ZFP69: variants seen among roughly 807,000 people sequenced by gnomAD.
ZFP69 encodes ZFP69 zinc finger protein.
ZFP69 carries 35 observed loss-of-function variants against 48.9 expected under a neutral mutation model. That is an observed-to-expected ratio of 0.72 (90% CI 0.55 to 0.95). ZFP69 has a LOEUF of 0.95. ZFP69 is among the 40% of genes least tolerant of loss of function. The probability of loss-of-function intolerance (pLI) is 0.00; values close to 1 mark genes in which losing one functional copy is unlikely to be tolerated. For synonymous variants in ZFP69, 193 were observed against 216.8 expected, an observed-to-expected ratio of 0.89 and a Z score of 0.96; for missense variants, 557 against 638.4, an observed-to-expected ratio of 0.87 and a Z score of 1.37.
At position 40,495,294 on chromosome 1, in the gene ZFP69, A is replaced by C. The variant is rs1194121339; in HGVS notation, c.816A>C (p.Glu272Asp). Residue 272 changes from glutamate (E) to aspartate (D), a missense_variant, in exon 6 of 6, where the codon GAA (glutamate) becomes GAC (aspartate). Coordinates refer to ENST00000372706, the MANE Select transcript of ZFP69 (RefSeq NM_001320179.2). Reference sequence around the variant, plus strand: ...GTTACATAAGAACAAAAACCTATGAATGTAATATATGTGAAAAAATCTTCA... The same window carrying C: ...GTTACATAAGAACAAAAACCTATGACTGTAATATATGTGAAAAAATCTTCA... ...PTSYIRTKTYECNICEKIFKQ... is the reference protein window; with the variant it reads ...PTSYIRTKTYDCNICEKIFKQ... 6.2e-7 allele frequency: 1 copy of C among 1,613,960 alleles called. No individual in the cohort carries two copies. The highest frequency in any genetic ancestry group is 1.3e-5 in the African/African-American group (1 of 74,940).
chr1:40,487,240 C>T (rs920593454), intron 3 of ZFP69, among the ~76,000 whole-genome samples: 2 of 152,126 alleles, frequency 1.3e-5, no homozygotes, highest in Non-Finnish European at 2.9e-5. Flanking sequence ...GATTCTTGAG[C>T]AGCGCAGGTT....
Position 40,495,934 on chromosome 1 carries a change from CAG to C in ZFP69, c.1460_1461del (p.Arg487ThrfsTer11). On this transcript the variant is annotated frameshift_variant, in exon 6 of 6. Coordinates refer to ENST00000372706, the MANE Select transcript of ZFP69 (RefSeq NM_001320179.2). LOFTEE classifies it high-confidence loss of function. ...YRHDSSFKKH[Q>X]RHHTGEKPYE... ...GCATGATTCATCCTTTAAAAAACAT[CAG>C]AGACATCACACTGGAGAAAAACCTT... is the stretch of plus-strand genomic sequence containing the variant. 2 of 1,614,174 alleles carry C rather than the reference CAG, an allele frequency of 1.2e-6. No homozygotes were observed. The highest frequency in any genetic ancestry group is 1.7e-6 in the Non-Finnish European group (2 of 1,180,048).
At position 40,477,819 on chromosome 1, in the gene ZFP69, T is replaced by A. The variant is rs2124435984; in HGVS notation, c.-402T>A. ...TCAGTCCGTCTCTAAAGAGACACTC[T>A]TTACCGCTGAAAACCTCAAGAGTGA... On this transcript the variant is annotated 5_prime_UTR_variant, in exon 1 of 6. Transcript: ENST00000372706. This position sits in a 1 kb window ranked among gnomAD's most constrained non-coding sequence, Gnocchi z 4.0. 1 of 152,456 alleles carries A rather than the reference T, an allele frequency of 6.6e-6. No individual in the cohort carries two copies. Among genetic ancestry groups the A allele is most frequent in the East Asian group, 1.9e-4 (1 of 5,166 alleles). 9.4% of individuals were successfully genotyped at this position (152,456 alleles called of 1,614,324 possible).
chr1:40,495,772 A>T lies in ZFP69; in HGVS notation c.1294A>T (p.Ile432Phe). Residue 432 changes from isoleucine (I) to phenylalanine (F), a missense_variant, in exon 6 of 6, where the codon ATC becomes TTC. Transcript: ENST00000372706. Reference sequence around the variant, plus strand: ...AGCGTATCTAACACATCACCAGAGAATCCATACTGGGGAGAGACCCTACAA... The same window carrying T: ...AGCGTATCTAACACATCACCAGAGATTCCATACTGGGGAGAGACCCTACAA... ...HRAYLTHHQRIHTGERPYKCK... is the reference protein window; with the variant it reads ...HRAYLTHHQRFHTGERPYKCK... 1 of 1,614,232 alleles carries T rather than the reference A, an allele frequency of 6.2e-7. No individual in the cohort carries two copies. The highest frequency in any genetic ancestry group is 8.5e-7 in the Non-Finnish European group (1 of 1,180,032).
In ZFP69 at chr1:40,495,719, C is replaced by A; in HGVS notation, c.1241C>A (p.Thr414Asn). The change falls in exon 6 of 6, where the codon ACT becomes AAT. Residue 414 changes from threonine (T) to asparagine (N), a missense_variant. Thr to Asn is a moderately conservative substitution (Grantham distance 65, BLOSUM62 0). Transcript: ENST00000372706. ...IHTGEKPYACTACCKTFSHRA... is the reference protein window; with the variant it reads ...IHTGEKPYACNACCKTFSHRA... ...ACCGGGGAGAAGCCCTATGCATGCA[C>A]TGCATGTTGTAAAACCTTTAGTCAT... 6.2e-7 allele frequency: 1 copy of A among 1,614,150 alleles called. No individual in the cohort carries two copies. Among genetic ancestry groups the A allele is most frequent in the Non-Finnish European group, 8.5e-7 (1 of 1,180,018 alleles).
At chr1:40,481,414 C>T (rs960979362) in intron 2 of ZFP69, among the ~76,000 whole-genome samples, 1 of 152,014 alleles carries the variant, frequency 6.6e-6, no homozygotes, top group Non-Finnish European at 1.5e-5. Flanking sequence ...CAGTGGGGAA[C>T]CTTTGAGGAT....
At position 40,489,631 on chromosome 1, in the gene ZFP69, C is replaced by G. The variant is rs978752589; in HGVS notation, c.442+7C>G. 1 of 1,597,030 alleles carries G rather than the reference C, an allele frequency of 6.3e-7. No individual in the cohort carries two copies. Among genetic ancestry groups the G allele is most frequent in the Admixed American group, 1.8e-5 (1 of 55,346 alleles). On this transcript the variant is annotated splice_region_variant and intron_variant, in intron 5 of 5. Transcript: ENST00000372706. The stretch of plus-strand genomic sequence containing the variant: ...CCAGGAGATCCCAGTTCAGGTGAGA[C>G]CAAGTGTGTTAGTCTGTTTTTGTGT...
chr1:40,489,826 A>G (rs1296374848), intron 5 of ZFP69, among the ~76,000 whole-genome samples: 1 of 151,388 alleles, frequency 6.6e-6, no homozygotes, highest in Non-Finnish European at 1.5e-5. Context: ...GAGCTGGAGC[A>G]TGAGAGTGAA....
At position 40,479,146 on chromosome 1, in the gene ZFP69, A is replaced by G; in HGVS notation, c.-216A>G. 2.0e-6 allele frequency: 1 copy of G among 510,518 alleles called. No homozygotes were observed. Among genetic ancestry groups the G allele is most frequent in the Non-Finnish European group, 3.5e-6 (1 of 285,814 alleles). 31.6% of individuals were successfully genotyped at this position (510,518 alleles called of 1,614,324 possible). ...ACCTAACTAACTGGCTGCCTCCCAA[A>G]GAAAGTGCTTGATTTAAAGGGGAGT... On this transcript the variant is annotated 5_prime_UTR_variant, in exon 2 of 6. Coordinates refer to ENST00000372706, the MANE Select transcript of ZFP69 (RefSeq NM_001320179.2).
chr1:40,484,075 CA>C (rs963610324), intron 3 of ZFP69, among the ~76,000 whole-genome samples: 2 of 151,414 alleles, frequency 1.3e-5, no homozygotes, highest in South Asian at 4.2e-4. Context: ...AACTCCGTCT[CA>C]AAAAAAATAA....
intron 5 of ZFP69, chr1:40,491,286 T>C (rs1193084792): frequency 6.6e-6 from 1 of 152,238 alleles, no homozygotes; most frequent in African/African-American, 2.4e-5. Flanking sequence ...TTACATTGTT[T>C]CCAAATTTGG....
intron 1 of ZFP69, among the ~76,000 whole-genome samples, chr1:40,478,617 AAT>A (rs1645413094): frequency 6.6e-6 from 1 of 152,232 alleles, no homozygotes; most frequent in African/African-American, 2.4e-5. Context: ...ATGATTCAGC[AAT>A]ATGATAACAG....
At chr1:40,493,003 A>ATCACCTGAGGTCAGGAGT (rs1645584201) in intron 5 of ZFP69, among the ~76,000 whole-genome samples, 2 of 152,260 alleles carry the variant, frequency 1.3e-5, no homozygotes, top group South Asian at 4.2e-4. Flanking sequence ...AGGCGGGCAG[A>ATCACCTGAGGTCAGGAGT]TCACCTGAGG....
At chr1:40,488,858 C>G in intron 3 of ZFP69, among the ~76,000 whole-genome samples, 1 of 151,836 alleles carries the variant, frequency 6.6e-6, no homozygotes. Context: ...ATCTGTCTTT[C>G]TATATATTAC....
At chr1:40,488,962 C>A in intron 3 of ZFP69, 126 bp from the exon 4 acceptor site, 2 of 1,160,188 alleles carry the variant, frequency 1.7e-6, no homozygotes, top group Non-Finnish European at 2.5e-6. Context: ...GATCTCCAAA[C>A]AGATCCAGAG....
At chr1:40,483,226 ATTT>A (rs56706952) in intron 3 of ZFP69, among the ~76,000 whole-genome samples, 9 of 116,948 alleles carry the variant, frequency 7.7e-5, no homozygotes, top group East Asian at 2.9e-4. Context: ...ACCTTTTTTA[ATTT>A]TTTTTTTTTT....
intron 3 of ZFP69, among the ~76,000 whole-genome samples, chr1:40,488,300 G>A (rs911543253): frequency 6.6e-6 from 1 of 152,186 alleles, no homozygotes; most frequent in Middle Eastern, 3.2e-3. Flanking sequence ...CTATCATGCA[G>A]CTTTAATTTG....
Position 40,495,571 on chromosome 1 carries a change from A to G in ZFP69, c.1093A>G (p.Ser365Gly). 6.2e-7 allele frequency: 1 copy of G among 1,614,264 alleles called. No homozygotes were observed. The highest frequency in any genetic ancestry group is 1.1e-5 in the South Asian group (1 of 91,088). Residue 365 changes from serine to glycine, a missense_variant, in exon 6 of 6, where the codon AGC (serine) becomes GGC (glycine). Ser to Gly is a moderately conservative substitution (Grantham distance 56). Transcript: ENST00000372706. Reference protein sequence around the residue: ...YVCDKCQKAFSQNISLVQHLR... With the variant: ...YVCDKCQKAFGQNISLVQHLR... ...ATGTGATAAATGTCAGAAAGCTTTCAGCCAGAACATTAGCTTGGTTCAACA... is the reference window on the plus strand; with the variant it reads ...ATGTGATAAATGTCAGAAAGCTTTCGGCCAGAACATTAGCTTGGTTCAACA...
chr1:40,480,095 G>C (rs981421793), intron 2 of ZFP69, among the ~76,000 whole-genome samples: 7 of 152,144 alleles, frequency 4.6e-5, no homozygotes, highest in African/African-American at 1.7e-4. Flanking sequence ...TTCTAGCTGT[G>C]TCAGGCAGGG....
Sources: allele counts gnomAD v4.1 joint callset (sites outside exome capture counted in the v4.1 genomes callset), GRCh38; gene constraint gnomAD v4.1.1; non-coding constraint Gnocchi (gnomAD v3.1); transcripts MANE v1.5; gene names NCBI Gene and HGNC (gene_info 2026-07-23, HGNC 2026-07-21).